DPP10: variants seen among roughly 807,000 people sequenced by gnomAD.
DPP10 encodes the protein dipeptidyl peptidase like 10.
Under a neutral mutation model 120.9 loss-of-function variants are expected in DPP10, and 33 were observed. The observed-to-expected ratio is 0.27, with a 90% CI of 0.21 to 0.37. The LOEUF is 0.37. Among genes scored for constraint, DPP10 ranks in the 10% least tolerant of loss-of-function variants. The pLI is 1.00. For synonymous variants in DPP10, 337 were observed against 326.1 expected, an observed-to-expected ratio of 1.03 and a Z score of -0.36; for missense variants, 816 against 942.8, an observed-to-expected ratio of 0.87 and a Z score of 1.76.
intron 13 of DPP10, among the ~76,000 whole-genome samples, chr2:115,770,004 A>G (rs759292410): frequency 2.0e-5 from 3 of 152,096 alleles, no homozygotes; most frequent in Admixed American, 6.6e-5. Context: ...AGATATTTGT[A>G]AGAGATAGTG....
chr2:114,834,425 T>C (rs150689376), intron 1 of DPP10, among the ~76,000 whole-genome samples: 12,962 of 145,640 alleles, frequency 0.089, 654 homozygotes, highest in Non-Finnish European at 0.098. Context: ...CACCTATGTA[T>C]ATATAAGCCA....
Position 115,162,107 on chromosome 2 carries a change from G to A in DPP10, c.61-147132G>A, listed in dbSNP as rs981205206. ...CGCTCCGCCCGCCTCCCGCTTCCCA[G>A]GCTGGGCTCCCGCGCCTCCCTCTTC... On this transcript the variant is annotated intron_variant, in intron 1 of 25. Coordinates refer to ENST00000410059, the MANE Select transcript of DPP10 (RefSeq NM_020868.6). 5.3e-6 allele frequency: 8 copies of A among 1,512,100 alleles called. No homozygotes were observed. The African/African-American group carries it at 1.0e-4, about 19-fold the overall frequency. The allele number at this position is 1,512,100 out of a possible 1,614,324, so 93.7% of individuals were successfully genotyped here. A position where few individuals can be genotyped will look rare whatever the true frequency, so the allele number is the denominator to read the frequency against.
chr2:115,320,295 A>G (rs989318072), intron 2 of DPP10, among the ~76,000 whole-genome samples: 6 of 152,136 alleles, frequency 3.9e-5, no homozygotes, highest in African/African-American at 1.4e-4. Context: ...TTAAAAATCC[A>G]TTCTGCCATT....
At chr2:115,346,108 A>G (rs2063698328) in intron 3 of DPP10, among the ~76,000 whole-genome samples, 1 of 152,284 alleles carries the variant, frequency 6.6e-6, no homozygotes, top group South Asian at 2.1e-4. Flanking sequence ...AAGTATAGAA[A>G]TGGATTTGTG....
chr2:115,198,780 C>T (rs1489265829), intron 1 of DPP10, among the ~76,000 whole-genome samples: 1 of 152,040 alleles, frequency 6.6e-6, no homozygotes, highest in Non-Finnish European at 1.5e-5. Context: ...TCTCCAGTGC[C>T]TATGTCAAAC....
intron 1 of DPP10, among the ~76,000 whole-genome samples, chr2:115,154,998 T>C (rs1017968777): frequency 7.2e-5 from 11 of 151,848 alleles, no homozygotes; most frequent in Non-Finnish European, 1.6e-4. Context: ...TTCAAGTGAT[T>C]CTCCTGCCTC....
At chr2:114,840,013 C>T (rs1459840391) in intron 1 of DPP10, among the ~76,000 whole-genome samples, 2 of 152,064 alleles carry the variant, frequency 1.3e-5, no homozygotes, top group African/African-American at 4.8e-5. Flanking sequence ...CGGTTCTTTC[C>T]AGGTTCATGT....
intron 1 of DPP10, among the ~76,000 whole-genome samples, chr2:114,935,953 A>G (rs1311202606): frequency 5.9e-5 from 9 of 151,520 alleles, no homozygotes; most frequent in Non-Finnish European, 2.9e-5. Flanking sequence ...TTCTATTTTT[A>G]CATCTTTCTG....
intron 1 of DPP10, among the ~76,000 whole-genome samples, chr2:115,229,608 A>G (rs946577264): frequency 1.3e-5 from 2 of 152,064 alleles, no homozygotes; most frequent in Non-Finnish European, 2.9e-5. Context: ...TTTCTCCATC[A>G]TCATTTATTG....
intron 3 of DPP10, among the ~76,000 whole-genome samples, chr2:115,421,184 T>C (rs1574792646): frequency 6.6e-6 from 1 of 152,112 alleles, no homozygotes; most frequent in South Asian, 2.1e-4. Flanking sequence ...TGTCAAACTA[T>C]ATGCCAGTGT....
Position 114,800,636 on chromosome 2 carries a change from G to A in DPP10, c.60+357798G>A, listed in dbSNP as rs568054989. ...GACTGATTGTTATTGTTCTTCTAGA[G>A]AGAATGTGCATTTTGCCAGCCTGAT... On this transcript the variant is annotated intron_variant, in intron 1 of 25. Coordinates refer to ENST00000410059, the MANE Select transcript of DPP10 (RefSeq NM_020868.6). Among the ~76,000 whole-genome samples, 8 of 152,338 alleles carry A rather than the reference G, an allele frequency of 5.3e-5. No individual in the cohort carries two copies. In the South Asian group the frequency reaches 1.0e-3, roughly 20 times the overall value.
chr2:114,755,905 T>C (rs563997593), intron 1 of DPP10, among the ~76,000 whole-genome samples: 1 of 149,972 alleles, frequency 6.7e-6, no homozygotes, highest in Non-Finnish European at 1.5e-5. Context: ...GAGTATTTTC[T>C]ATGTGTCAGT....
chr2:115,246,978 A>C (rs1404184161), intron 1 of DPP10, among the ~76,000 whole-genome samples: 1 of 152,136 alleles, frequency 6.6e-6, no homozygotes. Flanking sequence ...ACCTACTATC[A>C]CCAAAGACCT....
intron 7 of DPP10, among the ~76,000 whole-genome samples, chr2:115,698,080 C>T (rs1011987790): frequency 2.0e-5 from 3 of 152,168 alleles, no homozygotes; most frequent in Non-Finnish European, 2.9e-5. Context: ...CGTTCTTTCA[C>T]GGGCGTTTGA....
intron 3 of DPP10, among the ~76,000 whole-genome samples, chr2:115,477,330 A>G (rs2075150972): frequency 6.6e-6 from 1 of 152,202 alleles, no homozygotes; most frequent in Non-Finnish European, 1.5e-5. Context: ...TACAAAGTCA[A>G]TACACAAAAA....
chr2:114,700,339 C>T (rs909687109), intron 1 of DPP10, among the ~76,000 whole-genome samples: 1 of 152,090 alleles, frequency 6.6e-6, no homozygotes, highest in Non-Finnish European at 1.5e-5. Flanking sequence ...GTAAAACAAA[C>T]AAACTCCTAG....
At chr2:114,711,200 A>G (rs1701007091) in intron 1 of DPP10, among the ~76,000 whole-genome samples, 2 of 152,222 alleles carry the variant, frequency 1.3e-5, no homozygotes, top group Non-Finnish European at 2.9e-5. Flanking sequence ...CATGCTGGGC[A>G]TAGACAATAA....
intron 5 of DPP10, among the ~76,000 whole-genome samples, chr2:115,604,848 A>C (rs1395466555): frequency 6.6e-6 from 1 of 152,190 alleles, no homozygotes; most frequent in Non-Finnish European, 1.5e-5. Context: ...GGTCATTTAA[A>C]GTCTGCACAT....
At chr2:115,614,779 A>G (rs751679688) in intron 5 of DPP10, among the ~76,000 whole-genome samples, 1 of 152,210 alleles carries the variant, frequency 6.6e-6, no homozygotes, top group Non-Finnish European at 1.5e-5. Flanking sequence ...CCACGTCTCC[A>G]GAATTATCAT....
Sources: allele counts gnomAD v4.1 joint callset (sites outside exome capture counted in the v4.1 genomes callset), GRCh38; gene constraint gnomAD v4.1.1; transcripts MANE v1.5; gene names NCBI Gene and HGNC (gene_info 2026-07-23, HGNC 2026-07-21).